CNN2: variants seen among roughly 807,000 people sequenced by gnomAD.
The protein encoded by CNN2 is calponin 2.
In CNN2, 21 loss-of-function variants were observed where a neutral mutation model predicts 31.0. The ratio of observed to expected loss-of-function variants is 0.68; its 90% confidence interval spans 0.48 to 0.98. The LOEUF (loss-of-function observed/expected upper bound fraction) is 0.98. Ranked by LOEUF, CNN2 falls within the 50% of genes least tolerant of loss-of-function variation. The pLI is 0.00. For synonymous variants in CNN2, 165 were observed against 179.6 expected, an observed-to-expected ratio of 0.92 and a Z score of 0.65; for missense variants, 399 against 427.3, an observed-to-expected ratio of 0.93 and a Z score of 0.58.
At position 1,038,004 on chromosome 19, in the gene CNN2, C is replaced by T. The variant is rs1162801070; in HGVS notation, c.*104C>T. The T allele has an allele frequency of 8.4e-7, 1 of 1,191,502 alleles. No homozygotes were observed. Among genetic ancestry groups the T allele is most frequent in the Non-Finnish European group, 1.2e-6 (1 of 860,488 alleles). The allele number at this position is 1,191,502 out of a possible 1,614,324, so 73.8% of individuals were successfully genotyped here. On this transcript the variant is annotated 3_prime_UTR_variant, in exon 7 of 7. Coordinates refer to ENST00000263097, the MANE Select transcript of CNN2 (RefSeq NM_004368.4). ...TTTTTCTTAACCCGTTCAGTGCTGC[C>T]AGTCAACCAAGGGTCTGTGAGTGTC...
intron 6 of CNN2, 88 bp from the exon 7 acceptor site, chr19:1,037,537 G>A: frequency 3.3e-6 from 5 of 1,518,768 alleles, no homozygotes; most frequent in Non-Finnish European, 4.5e-6. Context: ...CTCCCAAAGT[G>A]CTGGGATTAC....
In CNN2 at chr19:1,032,625, G is replaced by A. The variant is rs745632036; in HGVS notation, c.319G>A (p.Glu107Lys). 3.1e-6 allele frequency: 5 copies of A among 1,612,640 alleles called. No homozygotes were observed. Among genetic ancestry groups the A allele is most frequent in the South Asian group, 2.2e-5 (2 of 91,046 alleles). The change falls in exon 4 of 7, where the codon GAG becomes AAG. Residue 107 changes from glutamate to lysine, a missense_variant. Transcript: ENST00000263097. ...CGGCATGAACCCTGTGGACCTGTTC[G>A]AGGCCAACGACCTGTTTGAGAGTGG... Reference protein sequence around the residue: ...SYGMNPVDLFEANDLFESGNM... With the variant: ...SYGMNPVDLFKANDLFESGNM...
rs2039645108 is a variant in CNN2, at chr19:1,038,341, C to T, written c.*441C>T. 1 of 156,640 alleles carries T rather than the reference C, an allele frequency of 6.4e-6. No individual in the cohort carries two copies. Among genetic ancestry groups the T allele is most frequent in the African/African-American group, 2.4e-5 (1 of 41,462 alleles). 9.7% of individuals were successfully genotyped at this position (156,640 alleles called of 1,614,324 possible). ...TTTTCCCCCAGGGGTGGGGCAAGGA[C>T]AGTGGAGAGAGTGCTAGGAAATGAG... On this transcript the variant is annotated 3_prime_UTR_variant, in exon 7 of 7. Transcript: ENST00000263097.
intron 1 of CNN2, among the ~76,000 whole-genome samples, chr19:1,030,740 AGCGGGGAGGTGAGAAGGCAGG>A (rs576164136): frequency 4.3e-4 from 65 of 152,278 alleles, no homozygotes; most frequent in African/African-American, 1.5e-3. Context: ...GGTGTGATAT[AGCGGGGAGGTGAGAAGGCAGG>A]GCGGGGAGGC....
At chr19:1,036,875 A>T (rs939115662) in intron 6 of CNN2, 42 of 407,974 alleles carry the variant, frequency 1.0e-4, no homozygotes, top group Middle Eastern at 1.6e-3. Context: ...TTATTTTGAG[A>T]TAGGATCTCA....
rs765764118 is a variant in CNN2, at chr19:1,037,796, C to G, written c.826C>G (p.Gln276Glu). The change falls in exon 7 of 7, where the codon CAA becomes GAA. Residue 276 changes from glutamine to glutamate, a missense_variant. Gln to Glu is a conservative substitution (Grantham distance 29). Transcript: ENST00000263097. ...RQIYDPKYCP[Q>E]GTVADGAPSG... ...GATATATGACCCCAAGTACTGCCCG[C>G]AAGGCACAGTGGCCGATGGGGCTCC... 11 of 1,611,222 alleles carry G rather than the reference C, an allele frequency of 6.8e-6. No homozygotes were observed. In the African/African-American group the frequency reaches 1.3e-4, roughly 20 times the overall value.
chr19:1,034,303 C>G (rs1371196305), intron 4 of CNN2, among the ~76,000 whole-genome samples: 2 of 1,250 alleles, frequency 1.6e-3, no homozygotes. Flanking sequence ...TGGTGTAGAC[C>G]GGGAGCGTGG....
chr19:1,036,594 T>C (rs1599517446), intron 6 of CNN2, 32 bp downstream of exon 6: 1 of 1,613,108 alleles, frequency 6.2e-7, no homozygotes, highest in Admixed American at 1.7e-5. Context: ...CCGACTCCTC[T>C]CCCTGCCCCT....
intron 4 of CNN2, 110 bp downstream of exon 4, chr19:1,032,806 T>G: frequency 6.0e-6 from 5 of 835,502 alleles, no homozygotes; most frequent in Non-Finnish European, 9.5e-6. Context: ...TGAGTCGGAG[T>G]CTCACTCTGT....
chr19:1,031,355 T>C (rs1366957491), intron 2 of CNN2, among the ~76,000 whole-genome samples, 163 bp downstream of exon 2: 1 of 132,442 alleles, frequency 7.6e-6, no homozygotes, highest in African/African-American at 2.8e-5. Flanking sequence ...GGGCGGTGGA[T>C]CTCGAGGTCA....
intron 5 of CNN2, 34 bp downstream of exon 5, chr19:1,036,280 G>T: frequency 6.4e-7 from 1 of 1,566,718 alleles, no homozygotes; most frequent in Non-Finnish European, 8.7e-7. Context: ...CAGGGACCAC[G>T]GCATTGGGGG....
intron 1 of CNN2, chr19:1,027,041 G>T (rs1460365980): frequency 3.3e-6 from 1 of 299,110 alleles, no homozygotes; most frequent in African/African-American, 2.2e-5. Flanking sequence ...GAAGCCCCTG[G>T]CGCCCACTCA....
At position 1,035,424 on chromosome 19, in the gene CNN2, G is replaced by C. The variant is rs184362748; in HGVS notation, c.391-706G>C. ...CTGTGGCTCCCAGTAACCTCACGTG[G>C]GGAATGGTGGTCAGGGAGGAGCCGG... On this transcript the variant is annotated intron_variant, in intron 4 of 6. Coordinates refer to ENST00000263097, the MANE Select transcript of CNN2 (RefSeq NM_004368.4). 6.6e-5 allele frequency among the ~76,000 whole-genome samples: 10 copies of C among 152,262 alleles called. 1 individual carries two copies. The highest frequency in any genetic ancestry group is 6.5e-4 in the Admixed American group (10 of 15,304).
Position 1,036,220 on chromosome 19 carries a change from G to A in CNN2, c.481G>A (p.Ala161Thr), listed in dbSNP as rs1047269988. Residue 161 changes from alanine to threonine, a missense_variant, in exon 5 of 7, where the codon GCT becomes ACT. By Grantham distance (58) the Ala-to-Thr change is moderately conservative (BLOSUM62 0). Coordinates refer to ENST00000263097, the MANE Select transcript of CNN2 (RefSeq NM_004368.4). ...ERNFDDATMK[A>T]GQCVIGLQMG... Reference sequence around the variant, plus strand: ...GAATTTCGACGATGCCACCATGAAGGCTGGCCAGTGCGTCATCGGGCTGCA... The same window carrying A: ...GAATTTCGACGATGCCACCATGAAGACTGGCCAGTGCGTCATCGGGCTGCA... 12 of 1,601,838 alleles carry A rather than the reference G, an allele frequency of 7.5e-6. No individual in the cohort carries two copies. Among genetic ancestry groups the A allele is most frequent in the Admixed American group, 5.1e-5 (3 of 58,790 alleles).
intron 2 of CNN2, 141 bp from the exon 3 acceptor site, chr19:1,032,251 A>AAAAG: frequency 2.2e-5 from 19 of 882,598 alleles, no homozygotes; most frequent in Non-Finnish European, 3.3e-5. Context: ...AAAAAAAAAA[A>AAAAG]GAGTGGAAAC....
chr19:1,031,223 A>T (rs757729867), intron 2 of CNN2, 31 bp downstream of exon 2: 2 of 1,534,624 alleles, frequency 1.3e-6, no homozygotes, highest in South Asian at 2.4e-5. Context: ...AGGCTGTCTC[A>T]CACTTAACAA....
chr19:1,035,327 TG>T (rs1261663880), intron 4 of CNN2, among the ~76,000 whole-genome samples: 4 of 152,176 alleles, frequency 2.6e-5, no homozygotes, highest in Middle Eastern at 6.8e-3. Flanking sequence ...TGGAATTGGC[TG>T]GGCTGTTAGA....
intron 1 of CNN2, among the ~76,000 whole-genome samples, chr19:1,027,317 G>T (rs1478799425): frequency 6.6e-6 from 1 of 152,224 alleles, no homozygotes. Flanking sequence ...TAATTTAAAC[G>T]GATAACAAAG....
intron 6 of CNN2, chr19:1,036,923 G>A (rs1004219588): frequency 4.8e-5 from 16 of 335,184 alleles, no homozygotes; most frequent in Middle Eastern, 1.0e-3. Context: ...GCACGATCTC[G>A]GCTCACTGCA....
Sources: allele counts gnomAD v4.1 joint callset (sites outside exome capture counted in the v4.1 genomes callset), GRCh38; gene constraint gnomAD v4.1.1; transcripts MANE v1.5; gene names NCBI Gene and HGNC (gene_info 2026-07-23, HGNC 2026-07-21).